The following GGNBP2 variants were observed in gnomAD, a reference collection of about 807,000 sequenced individuals.
GGNBP2 encodes gametogenetin binding protein 2, also known as gametogenetin-binding protein 2.
GGNBP2 carries 10 observed loss-of-function variants against 85.9 expected under a neutral mutation model. The ratio of observed to expected loss-of-function variants is 0.12; its 90% CI spans 0.07 to 0.20. The LOEUF (loss-of-function observed/expected upper bound fraction) is 0.20. GGNBP2 is among the 10% of genes least tolerant of loss of function. The pLI is 1.00. For missense variants in GGNBP2, 595 were observed against 857.8 expected (o/e 0.69, Z 3.83); for synonymous variants, 287 against 285.7 (o/e 1.00, Z -0.05).
intron 5 of GGNBP2, among the ~76,000 whole-genome samples, chr17:36,563,425 G>C (rs1384016873): frequency 6.6e-6 from 1 of 151,934 alleles, no homozygotes; most frequent in Non-Finnish European, 1.5e-5. Context: ...CTTTTTCTTT[G>C]TATTTTAAAG....
intron 9 of GGNBP2, among the ~76,000 whole-genome samples, chr17:36,583,309 C>T (rs1478570491): frequency 6.6e-6 from 1 of 152,108 alleles, no homozygotes; most frequent in African/African-American, 2.4e-5. Context: ...GCCTCAGCCT[C>T]CCAAAGTGCT....
At chr17:36,579,054 T>C (rs908735838) in intron 7 of GGNBP2, 191 bp from the exon 8 acceptor site, 5 of 548,688 alleles carry the variant, frequency 9.1e-6, no homozygotes, top group African/African-American at 5.7e-5. Flanking sequence ...GACTAAATTC[T>C]ACTTGCATGT....
chr17:36,580,538 G>C (rs757699542), intron 8 of GGNBP2, among the ~76,000 whole-genome samples: 1 of 151,128 alleles, frequency 6.6e-6, no homozygotes, highest in Non-Finnish European at 1.5e-5. Flanking sequence ...TTGTATTTTT[G>C]TACCTTCAGA....
Position 36,586,044 on chromosome 17 carries a change from C to T in GGNBP2, c.1493-6C>T, listed in dbSNP as rs528053039. On this transcript the variant is annotated splice_region_variant and splice_polypyrimidine_tract_variant and intron_variant, in intron 11 of 13. Coordinates refer to ENST00000613102, the MANE Select transcript of GGNBP2 (RefSeq NM_024835.5). ...CATAAATAAGAAGGATTATTGATTT[C>T]TGCAGGTGATGACTCTTGTGTTCAT... 2.5e-6 allele frequency: 4 copies of T among 1,613,582 alleles called. No individual in the cohort carries two copies. Among genetic ancestry groups the T allele is most frequent in the African/African-American group, 2.7e-5 (2 of 75,004 alleles).
chr17:36,553,742 G>A (rs934679085), intron 2 of GGNBP2, among the ~76,000 whole-genome samples: 1 of 152,096 alleles, frequency 6.6e-6, no homozygotes, highest in African/African-American at 2.4e-5. Context: ...TTGTTTTGAA[G>A]GCATATCTTT....
chr17:36,554,826 A>G lies in GGNBP2; in HGVS notation c.100A>G (p.Met34Val). 1 of 1,597,712 alleles carries G rather than the reference A, an allele frequency of 6.3e-7. No individual in the cohort carries two copies. Reference sequence around the variant, plus strand: ...GTTCTGTTTGCATTTTAAGATGGTGATGGAATTTCCTGATAATGTGTTAAA... The same window carrying G: ...GTTCTGTTTGCATTTTAAGATGGTGGTGGAATTTCCTGATAATGTGTTAAA... ...LYIDDTLTMV[M>V]EFPDNVLNLD... Residue 34 changes from methionine (M) to valine (V), a missense_variant, in exon 3 of 14, where the codon ATG becomes GTG. Around this residue, in one of 9 missense-constraint regions of GGNBP2, gnomAD observed 216 missense variants for 293.4 expected, o/e 0.74. Coordinates refer to ENST00000613102, the MANE Select transcript of GGNBP2 (RefSeq NM_024835.5).
intron 2 of GGNBP2, chr17:36,547,131 A>G (rs2074262958): frequency 6.6e-6 from 1 of 152,214 alleles, no homozygotes; most frequent in South Asian, 2.1e-4. Flanking sequence ...TGTCTTGATT[A>G]TGATTTCTGT....
chr17:36,589,171 C>T (rs769461826), intron 13 of GGNBP2, 37 bp from the exon 14 acceptor site: 10 of 1,468,374 alleles, frequency 6.8e-6, no homozygotes, highest in Admixed American at 1.7e-5. Flanking sequence ...ATTTTGCATT[C>T]TTAAGTCATA....
chr17:36,552,700 GAAGA>G, intron 2 of GGNBP2, among the ~76,000 whole-genome samples: 1 of 152,098 alleles, frequency 6.6e-6, no homozygotes, highest in South Asian at 2.1e-4. Flanking sequence ...TGTATGCATG[GAAGA>G]AAAAACTTTC....
chr17:36,553,792 G>T (rs1395214821), intron 2 of GGNBP2, among the ~76,000 whole-genome samples: 2 of 152,144 alleles, frequency 1.3e-5, no homozygotes, highest in African/African-American at 2.4e-5. Flanking sequence ...GATGCTGCTT[G>T]AATTTGATGA....
chr17:36,564,526 TTTTAGAAGGCTG>T (rs2074450259), intron 5 of GGNBP2, among the ~76,000 whole-genome samples: 1 of 152,196 alleles, frequency 6.6e-6, no homozygotes, highest in African/African-American at 2.4e-5. Flanking sequence ...AAGTCATATG[TTTTAGAAGGCTG>T]TTTGCTGAGT....
Position 36,589,216 on chromosome 17 carries a change from T to C in GGNBP2, c.1899T>C (p.Ser633=). The C allele has an allele frequency of 6.2e-7, 1 of 1,609,602 alleles. No homozygotes were observed. The highest frequency in any genetic ancestry group is 1.1e-5 in the South Asian group (1 of 90,956). ...AKSLVELLDE[S]ECTSDEEIFI... Reference sequence around the variant, plus strand: ...ACTGCTTTAATTTGCAGGATGAGTCTGAATGTACTTCAGATGAGGAAATCT... The same window carrying C: ...ACTGCTTTAATTTGCAGGATGAGTCCGAATGTACTTCAGATGAGGAAATCT... Residue 633 remains serine (S), a synonymous_variant, in exon 14 of 14, where the codon TCT becomes TCC. Coordinates refer to ENST00000613102, the MANE Select transcript of GGNBP2 (RefSeq NM_024835.5).
At chr17:36,562,804 A>G (rs1281873073) in intron 5 of GGNBP2, among the ~76,000 whole-genome samples, 1 of 151,474 alleles carries the variant, frequency 6.6e-6, no homozygotes, top group Non-Finnish European at 1.5e-5. Context: ...ATCTCTACTA[A>G]AAATATAAAA....
Position 36,585,141 on chromosome 17 carries a change from AT to A in GGNBP2, c.1216-158del, listed in dbSNP as rs1393547683. Among the ~76,000 whole-genome samples the A allele has an allele frequency of 2.0e-5, 3 of 152,330 alleles. No homozygotes were observed. The South Asian group carries it at 6.2e-4, about 32-fold the overall frequency. On this transcript the variant is annotated intron_variant, in intron 9 of 13. Coordinates refer to ENST00000613102, the MANE Select transcript of GGNBP2 (RefSeq NM_024835.5). ...GTCTTGATTTGTGCTAAGGACTAAT[AT>A]CTTTACCCACCATTACTTTTGTACT...
chr17:36,565,593 G>A (rs557383989), intron 5 of GGNBP2, among the ~76,000 whole-genome samples: 50 of 152,144 alleles, frequency 3.3e-4, no homozygotes, highest in African/African-American at 1.1e-3. Flanking sequence ...GCATTATACT[G>A]ATCAAGTATA....
At chr17:36,547,672 G>C (rs1388150330) in intron 2 of GGNBP2, 1 of 152,208 alleles carries the variant, frequency 6.6e-6, no homozygotes, top group African/African-American at 2.4e-5. Context: ...ACTTTGCACT[G>C]TATCTGGCGG....
In GGNBP2 at chr17:36,587,085, C is replaced by T. The variant is rs1442515895; in HGVS notation, c.1730C>T (p.Thr577Ile). ...CACACAGTGTTTCACCGTGACAAGACCAAAGATACACATCCTGAAAGCTGT... is the reference window on the plus strand; with the variant it reads ...CACACAGTGTTTCACCGTGACAAGATCAAAGATACACATCCTGAAAGCTGT... ...TMHTVFHRDK[T>I]KDTHPESCCS... The change falls in exon 13 of 14, where the codon ACC becomes ATC. Residue 577 changes from threonine to isoleucine, a missense_variant. Thr to Ile is a moderately conservative substitution (Grantham distance 89). Transcript: ENST00000613102. The T allele has an allele frequency of 9.9e-6, 16 of 1,613,924 alleles. No individual in the cohort carries two copies. The highest frequency in any genetic ancestry group is 1.4e-5 in the Non-Finnish European group (16 of 1,180,018).
intron 12 of GGNBP2, chr17:36,586,674 A>G (rs2074704912): frequency 3.2e-6 from 1 of 309,836 alleles, no homozygotes; most frequent in East Asian, 7.6e-5. Context: ...ACTAGAGTAC[A>G]GTGGCATAAT....
At position 36,578,092 on chromosome 17, in the gene GGNBP2, C is replaced by T; in HGVS notation, c.751C>T (p.Arg251Trp). ...GYCAALYEGL[R>W]CCPHERHIHV... ...CTGTGCTGCACTTTATGAAGGCTTG[C>T]GGTGCTGTCCACATGAACGACACAT... The change falls in exon 7 of 14, where the codon CGG becomes TGG. Residue 251 changes from arginine (R) to tryptophan (W), a missense_variant. This residue lies in a region of GGNBP2 where 92 missense variants were observed against 183.9 expected (regional missense o/e 0.50). Transcript: ENST00000613102. 1.9e-6 allele frequency: 3 copies of T among 1,614,044 alleles called. No homozygotes were observed. The highest frequency in any genetic ancestry group is 1.7e-6 in the Non-Finnish European group (2 of 1,179,942).
Sources: allele counts gnomAD v4.1 joint callset (sites outside exome capture counted in the v4.1 genomes callset), GRCh38; gene constraint gnomAD v4.1.1; regional missense constraint gnomAD v4.1.1; transcripts MANE v1.5; gene names NCBI Gene and HGNC (gene_info 2026-07-23, HGNC 2026-07-21).